EML6: variants seen among roughly 807,000 people sequenced by gnomAD.
EML6 encodes the protein EMAP like 6.
Under a neutral mutation model 240.1 loss-of-function variants are expected in EML6, and 154 were observed. The ratio of observed to expected loss-of-function variants is 0.64; its 90% confidence interval spans 0.56 to 0.73. EML6 has a LOEUF of 0.73. Ranked by LOEUF, EML6 falls within the 30% of genes least tolerant of loss-of-function variation. The pLI is 0.00. For synonymous variants in EML6, 1,148 were observed against 899.0 expected (o/e 1.28, Z -4.95); for missense variants, 2,964 against 2,474.6 (o/e 1.20, Z -4.20).
chr2:54,937,761 C>T (rs1675223399), intron 28 of EML6, among the ~76,000 whole-genome samples: 1 of 151,922 alleles, frequency 6.6e-6, no homozygotes, highest in East Asian at 1.9e-4. Context: ...TGTACACAGC[C>T]ATCTTCTAAA....
intron 16 of EML6, among the ~76,000 whole-genome samples, chr2:54,878,400 C>T (rs1671620427): frequency 6.6e-6 from 1 of 152,208 alleles, no homozygotes; most frequent in Admixed American, 6.5e-5. Flanking sequence ...CGTCTCCTAG[C>T]AACCGCACAG....
rs181487404 is a variant in EML6 at position 54,766,072 on chromosome 2, C to T, written c.197+40814C>T. Reference sequence around the variant, plus strand: ...CTCTCTATTCTTTTCCTTCATCTATCCACATGTATATGTATGTAGATACAT... The same window carrying T: ...CTCTCTATTCTTTTCCTTCATCTATTCACATGTATATGTATGTAGATACAT... On this transcript the variant is annotated intron_variant, in intron 2 of 41. Coordinates refer to ENST00000356458, the MANE Select transcript of EML6 (RefSeq NM_001039753.4). 2.6e-3 allele frequency among the ~76,000 whole-genome samples: 397 copies of T among 152,220 alleles called. 1 individual carries two copies. The highest frequency in any genetic ancestry group is 5.1e-3 in the Non-Finnish European group (347 of 68,002).
chr2:54,939,148 G>C (rs1041841525), intron 28 of EML6, among the ~76,000 whole-genome samples: 2 of 152,218 alleles, frequency 1.3e-5, no homozygotes, highest in Admixed American at 6.5e-5. Flanking sequence ...ATCAAATTCT[G>C]AGATCTTGTT....
chr2:54,916,759 A>G lies in EML6; in HGVS notation c.3499A>G (p.Ile1167Val). ...GKRHIIRPSE[I>V]EKIEWDTWTC... is the part of the protein sequence containing the mutation. Reference sequence around the variant, plus strand: ...ATCATTCTCTTTCGTTCTTTTTCAGATCGAGAAGATAGAGTGGGACACATG... The same window carrying G: ...ATCATTCTCTTTCGTTCTTTTTCAGGTCGAGAAGATAGAGTGGGACACATG... Residue 1167 changes from isoleucine to valine, a missense_variant and splice_region_variant, in exon 26 of 42, where the codon ATC (isoleucine) becomes GTC (valine). Physicochemically the swap from Ile to Val is conservative, Grantham distance 29. Coordinates refer to ENST00000356458, the MANE Select transcript of EML6 (RefSeq NM_001039753.4). 2 of 1,487,334 alleles carry G rather than the reference A, an allele frequency of 1.3e-6. No homozygotes were observed. The highest frequency in any genetic ancestry group is 1.8e-6 in the Non-Finnish European group (2 of 1,104,570). The allele number at this position is 1,487,334 out of a possible 1,614,324, so 92.1% of individuals were successfully genotyped here.
At chr2:54,796,978 G>C (rs185303381) in intron 2 of EML6, among the ~76,000 whole-genome samples, 1 of 151,532 alleles carries the variant, frequency 6.6e-6, no homozygotes. Context: ...ACTGGCTAAC[G>C]TGGTGAAACC....
At chr2:54,909,851 A>C (rs536759104) in intron 24 of EML6, among the ~76,000 whole-genome samples, 33 of 65,286 alleles carry the variant, frequency 5.1e-4, no homozygotes, top group Admixed American at 1.2e-3. Flanking sequence ...ACTCCATCTC[A>C]AAAAAAAAAA....
Position 54,928,845 on chromosome 2 carries a change from G to A in EML6, c.4004+94G>A, listed in dbSNP as rs74355503. ...CGTTTTCTTTGCCCTCAAAGTTGCT[G>A]TTTAAGTCAGTCTTTTATAAATCTT... On this transcript the variant is annotated intron_variant, in intron 28 of 41. Transcript: ENST00000356458. 971 of 1,403,972 alleles carry A rather than the reference G, an allele frequency of 6.9e-4. 2 individuals carry two copies. Among genetic ancestry groups the A allele is most frequent in the Admixed American group, 4.0e-3 (198 of 49,174 alleles). The allele number at this position is 1,403,972 out of a possible 1,614,324, so 87.0% of individuals were successfully genotyped here. A position where few individuals can be genotyped will look rare whatever the true frequency, so the allele number is the denominator to read the frequency against.
intron 2 of EML6, among the ~76,000 whole-genome samples, chr2:54,749,629 C>T (rs527859447): frequency 6.6e-6 from 1 of 152,172 alleles, no homozygotes; most frequent in Non-Finnish European, 1.5e-5. Context: ...GCATACATTA[C>T]CTTATTTAAT....
intron 2 of EML6, among the ~76,000 whole-genome samples, chr2:54,749,193 G>T (rs1226499213): frequency 6.6e-6 from 1 of 152,162 alleles, no homozygotes; most frequent in Non-Finnish European, 1.5e-5. Context: ...AAGACAGAAA[G>T]AATGTGGAAA....
intron 11 of EML6, among the ~76,000 whole-genome samples, chr2:54,857,865 C>T (rs868735215): frequency 1.3e-5 from 2 of 151,944 alleles, no homozygotes; most frequent in Non-Finnish European, 1.5e-5. Context: ...GGAGAGAGGG[C>T]AGAAAGAAAA....
chr2:54,963,229 A>T (rs1221530906), intron 36 of EML6, among the ~76,000 whole-genome samples: 2 of 152,234 alleles, frequency 1.3e-5, no homozygotes. Context: ...ACTTGGTTTC[A>T]TTTTAAAATG....
At chr2:54,951,264 G>A (rs1211861196) in intron 30 of EML6, among the ~76,000 whole-genome samples, 1 of 152,150 alleles carries the variant, frequency 6.6e-6, no homozygotes, top group Non-Finnish European at 1.5e-5. Flanking sequence ...CCGGCAAGGT[G>A]GCTCATGCCT....
At chr2:54,766,258 A>G (rs746389966) in intron 2 of EML6, among the ~76,000 whole-genome samples, 112 of 152,218 alleles carry the variant, frequency 7.4e-4, no homozygotes, top group Admixed American at 2.4e-3. Context: ...TATTTTGGCA[A>G]TTGTCCCAAT....
intron 17 of EML6, among the ~76,000 whole-genome samples, chr2:54,884,841 T>C (rs1374825209): frequency 6.6e-6 from 1 of 152,220 alleles, no homozygotes; most frequent in Non-Finnish European, 1.5e-5. Flanking sequence ...CTAAAGTATA[T>C]ATTAATGATT....
intron 17 of EML6, 126 bp downstream of exon 17, chr2:54,879,766 C>T: frequency 1.5e-6 from 1 of 662,910 alleles, no homozygotes; most frequent in Non-Finnish European, 2.6e-6. Context: ...AGGCTTAGCA[C>T]CTAAGTGAAA....
intron 2 of EML6, among the ~76,000 whole-genome samples, chr2:54,812,949 A>C (rs140041456): frequency 1.3e-5 from 2 of 152,216 alleles, no homozygotes; most frequent in African/African-American, 4.8e-5. Flanking sequence ...TTATAAAACT[A>C]TACAGACGAT....
chr2:54,767,628 GTGTA>G (rs1479211754), intron 2 of EML6, among the ~76,000 whole-genome samples: 1,503 of 119,506 alleles, frequency 0.013, 8 homozygotes, highest in Middle Eastern at 0.025. Context: ...GTGTGTGTGT[GTGTA>G]TGTGTGTGTG....
chr2:54,876,986 T>A (rs1167000339), intron 16 of EML6, among the ~76,000 whole-genome samples: 65 of 81,978 alleles, frequency 7.9e-4, no homozygotes, highest in East Asian at 3.3e-3. Context: ...CAAAAAAAAA[T>A]TTTTTTTTTT....
intron 40 of EML6, among the ~76,000 whole-genome samples, 171 bp from the exon 41 acceptor site, chr2:54,968,497 A>G (rs1244948074): frequency 2.6e-5 from 4 of 152,202 alleles, no homozygotes; most frequent in Non-Finnish European, 5.9e-5. Context: ...TGGGGCAAGG[A>G]TGAGAGGCAG....
Sources: gnomAD v4.1 joint callset for allele counts (sites outside exome capture counted in the v4.1 genomes callset) on GRCh38, gnomAD v4.1.1 for gene constraint, MANE v1.5 for transcripts, NCBI Gene and HGNC (gene_info 2026-07-23, HGNC 2026-07-21) for gene names.